The following LDAH variants were observed in gnomAD, a reference collection of about 807,000 sequenced individuals.
LDAH encodes lipid droplet associated hydrolase.
In LDAH, 26 loss-of-function variants were observed where a neutral mutation model predicts 29.6. That is an observed-to-expected ratio of 0.88 (90% CI 0.64 to 1.22). The LOEUF (loss-of-function observed/expected upper bound fraction) is 1.22. LDAH is among the 50% of genes most tolerant of loss of function. The pLI, the probability that LDAH is intolerant of heterozygous loss-of-function variation, is 0.00. For synonymous variants in LDAH, 117 were observed against 133.0 expected, an observed-to-expected ratio of 0.88 and a Z score of 0.83; for missense variants, 344 against 387.3, an observed-to-expected ratio of 0.89 and a Z score of 0.94.
chr2:20,722,412 AGGG>A (rs1665717592), intron 5 of LDAH, among the ~76,000 whole-genome samples: 1 of 149,704 alleles, frequency 6.7e-6, no homozygotes, highest in East Asian at 2.0e-4. Context: ...TGAATCTCAC[AGGG>A]GTAGACAGTA....
chr2:20,723,349 G>A (rs868578064), intron 5 of LDAH, among the ~76,000 whole-genome samples: 3 of 152,120 alleles, frequency 2.0e-5, no homozygotes, highest in African/African-American at 7.2e-5. Flanking sequence ...GGGGTCTTCT[G>A]AGACTCGGGC....
Position 20,684,765 on chromosome 2 carries a change from AG to A in LDAH, c.*2137del. ...ATCGCTGAGCACTCGGTAACTCTGCAGGAAGTTAAAACTTTCACAAAGACCA... is the reference window on the plus strand; with the variant it reads ...ATCGCTGAGCACTCGGTAACTCTGCAGAAGTTAAAACTTTCACAAAGACCA... On this transcript the variant is annotated 3_prime_UTR_variant, in exon 7 of 7. Coordinates refer to ENST00000237822, the MANE Select transcript of LDAH (RefSeq NM_021925.4). 2.6e-6 allele frequency: 3 copies of A among 1,174,270 alleles called. No homozygotes were observed. The highest frequency in any genetic ancestry group is 3.6e-6 in the Non-Finnish European group (3 of 842,074). 72.7% of individuals were successfully genotyped at this position (1,174,270 alleles called of 1,614,324 possible).
intron 4 of LDAH, among the ~76,000 whole-genome samples, chr2:20,754,970 A>C (rs911356174): frequency 6.6e-6 from 1 of 152,202 alleles, no homozygotes; most frequent in African/African-American, 2.4e-5. Context: ...AAAGTATTAC[A>C]TCAATATTAC....
chr2:20,762,586 A>T (rs1303739717), intron 4 of LDAH, among the ~76,000 whole-genome samples: 1 of 152,212 alleles, frequency 6.6e-6, no homozygotes, highest in East Asian at 1.9e-4. Flanking sequence ...AAATACTACC[A>T]TACTCAATAT....
chr2:20,758,435 A>G (rs1022719156), intron 4 of LDAH, among the ~76,000 whole-genome samples: 5 of 152,224 alleles, frequency 3.3e-5, no homozygotes, highest in African/African-American at 7.2e-5. Flanking sequence ...GTGTTTATAC[A>G]TAGCTCAAGT....
chr2:20,807,305 A>G (rs543131129), intron 1 of LDAH, among the ~76,000 whole-genome samples: 1 of 152,134 alleles, frequency 6.6e-6, no homozygotes. Context: ...GGAAGGAATA[A>G]TACCAATTTT....
intron 3 of LDAH, among the ~76,000 whole-genome samples, chr2:20,775,468 G>T (rs1669746364): frequency 6.6e-6 from 1 of 152,194 alleles, no homozygotes; most frequent in Non-Finnish European, 1.5e-5. Flanking sequence ...AAGTTTCCAG[G>T]AGATGTTGAT....
rs1446225299 is a variant in LDAH, at chr2:20,684,648, T to C, written c.*2255A>G. ...TATGGTGAGAGGCCCTTGGTGGCCA[T>C]GGACATCAGGCCACACAAGCCACAG... is the stretch of plus-strand genomic sequence containing the variant. On this transcript the variant is annotated 3_prime_UTR_variant, in exon 7 of 7. Transcript: ENST00000237822. 7 of 406,574 alleles carry C rather than the reference T, an allele frequency of 1.7e-5. No individual in the cohort carries two copies. Among genetic ancestry groups the C allele is most frequent in the African/African-American group, 8.2e-5 (4 of 48,710 alleles). 25.2% of individuals were successfully genotyped at this position (406,574 alleles called of 1,614,324 possible).
chr2:20,797,875 C>T (rs558506430), intron 2 of LDAH, among the ~76,000 whole-genome samples: 1 of 152,242 alleles, frequency 6.6e-6, no homozygotes, highest in Non-Finnish European at 1.5e-5. Context: ...GAGTTTCTGG[C>T]TTAAAAGGGC....
chr2:20,739,213 T>C (rs1230617747), intron 5 of LDAH, among the ~76,000 whole-genome samples: 2 of 152,204 alleles, frequency 1.3e-5, no homozygotes, highest in African/African-American at 4.8e-5. Flanking sequence ...AATTGTTACA[T>C]CGTTCATTGG....
At chr2:20,687,609 C>CTTA (rs1662662761) in intron 6 of LDAH, among the ~76,000 whole-genome samples, 1 of 152,000 alleles carries the variant, frequency 6.6e-6, no homozygotes, top group Non-Finnish European at 1.5e-5. Flanking sequence ...AGTTTATGAC[C>CTTA]TTTCTAAGAA....
chr2:20,777,570 C>A (rs778464275), intron 3 of LDAH, among the ~76,000 whole-genome samples: 1 of 152,158 alleles, frequency 6.6e-6, no homozygotes, highest in Non-Finnish European at 1.5e-5. Context: ...AGGCGTGCAC[C>A]ACCAGGCCTG....
At chr2:20,822,189 A>G (rs1673366336) in intron 1 of LDAH, among the ~76,000 whole-genome samples, 1 of 150,910 alleles carries the variant, frequency 6.6e-6, no homozygotes, top group Admixed American at 6.6e-5. Context: ...CAGTGGCGCC[A>G]TCTCGGCTCA....
chr2:20,812,067 A>G (rs557088560), intron 1 of LDAH, among the ~76,000 whole-genome samples: 1 of 152,106 alleles, frequency 6.6e-6, no homozygotes, highest in Non-Finnish European at 1.5e-5. Flanking sequence ...ATATAGGGGG[A>G]AATGTAAAAG....
chr2:20,795,050 G>C (rs1671219347), intron 2 of LDAH, among the ~76,000 whole-genome samples: 1 of 152,174 alleles, frequency 6.6e-6, no homozygotes, highest in African/African-American at 2.4e-5. Flanking sequence ...GTATGGGAGA[G>C]GTCCAGGTGT....
At chr2:20,794,103 C>T (rs2125083741) in intron 2 of LDAH, among the ~76,000 whole-genome samples, 1 of 152,232 alleles carries the variant, frequency 6.6e-6, no homozygotes, top group East Asian at 1.9e-4. Flanking sequence ...ACTTCACAAT[C>T]ATGGTGGAAG....
chr2:20,801,954 GTGTA>G (rs746477160), intron 1 of LDAH, among the ~76,000 whole-genome samples: 76 of 147,258 alleles, frequency 5.2e-4, no homozygotes, highest in African/African-American at 1.9e-3. Context: ...GTGTGTGTGT[GTGTA>G]TGTGTGTGTG....
chr2:20,805,517 G>A (rs1672004546), intron 1 of LDAH, among the ~76,000 whole-genome samples: 1 of 152,126 alleles, frequency 6.6e-6, no homozygotes, highest in South Asian at 2.1e-4. Flanking sequence ...AGGAGAGTAC[G>A]TTGTAATTAT....
intron 5 of LDAH, among the ~76,000 whole-genome samples, chr2:20,709,037 G>A (rs1664509767): frequency 6.6e-6 from 1 of 152,134 alleles, no homozygotes; most frequent in Non-Finnish European, 1.5e-5. Context: ...TTAAGAAGAT[G>A]TACAGGTTGA....
Sources: gnomAD v4.1 joint callset for allele counts (sites outside exome capture counted in the v4.1 genomes callset) on GRCh38, gnomAD v4.1.1 for gene constraint, MANE v1.5 for transcripts, NCBI Gene and HGNC (gene_info 2026-07-23, HGNC 2026-07-21) for gene names.